The following CDC123 variants were observed in gnomAD, a reference collection of about 807,000 sequenced individuals.
CDC123 encodes the protein cell division cycle 123, also known as translation initiation factor eIF2 assembly protein.
CDC123 carries 37 observed loss-of-function variants against 54.4 expected under a neutral mutation model. The observed-to-expected ratio is 0.68, with a 90% confidence interval of 0.52 to 0.89. CDC123 has a LOEUF of 0.89. CDC123 is among the 40% of genes least tolerant of loss of function. CDC123 has a pLI of 0.00. For synonymous variants in CDC123, 144 were observed against 136.8 expected (o/e 1.05, Z -0.37); for missense variants, 361 against 412.1 (o/e 0.88, Z 1.07).
chr10:12,199,944 T>TC (rs1457577468), intron 2 of CDC123, among the ~76,000 whole-genome samples: 7 of 151,450 alleles, frequency 4.6e-5, no homozygotes, highest in African/African-American at 1.7e-4. Context: ...TGCCTCAGCC[T>TC]CCAAGTAGCT....
chr10:12,249,896 A>AT, intron 12 of CDC123, 178 bp downstream of exon 12: 1 of 779,170 alleles, frequency 1.3e-6, no homozygotes. Flanking sequence ...TGAAGGCATA[A>AT]TTTATTGATT....
chr10:12,230,349 C>G (rs1402814535), intron 6 of CDC123, among the ~76,000 whole-genome samples: 1 of 152,078 alleles, frequency 6.6e-6, no homozygotes, highest in Non-Finnish European at 1.5e-5. Flanking sequence ...TCCACCACCA[C>G]AGCCGGCTAA....
chr10:12,237,978 A>G (rs559033351), intron 9 of CDC123, among the ~76,000 whole-genome samples: 4 of 152,366 alleles, frequency 2.6e-5, no homozygotes, highest in African/African-American at 9.6e-5. Flanking sequence ...TATATCTGCT[A>G]TGATTTACAA....
intron 6 of CDC123, among the ~76,000 whole-genome samples, chr10:12,223,910 G>T (rs1458930524): frequency 1.3e-5 from 2 of 151,894 alleles, no homozygotes; most frequent in African/African-American, 4.8e-5. Context: ...GTGGTGTTTG[G>T]TTACATGGGT....
At chr10:12,222,958 C>T (rs561710652) in intron 6 of CDC123, among the ~76,000 whole-genome samples, 2 of 151,642 alleles carry the variant, frequency 1.3e-5, no homozygotes, top group African/African-American at 4.9e-5. Context: ...GTGGCGTGAT[C>T]GTGGCTCACT....
chr10:12,233,315 A>ACACT (rs778520834), intron 7 of CDC123, among the ~76,000 whole-genome samples: 3 of 125,958 alleles, frequency 2.4e-5, no homozygotes, highest in Middle Eastern at 4.2e-3. Flanking sequence ...ACACACACAC[A>ACACT]CTCTCTGTCT....
chr10:12,208,620 A>G (rs1588671252), intron 2 of CDC123, among the ~76,000 whole-genome samples: 1 of 152,160 alleles, frequency 6.6e-6, no homozygotes, highest in East Asian at 1.9e-4. Flanking sequence ...AGCGCTGATA[A>G]TGCCAAGGTT....
At chr10:12,196,712 G>T (rs1042094271) in intron 1 of CDC123, among the ~76,000 whole-genome samples, 9 of 152,198 alleles carry the variant, frequency 5.9e-5, no homozygotes, top group Admixed American at 5.2e-4. Flanking sequence ...ATTACAGTTA[G>T]ATACGAGAAC....
At chr10:12,235,888 G>A (rs1316787244) in intron 8 of CDC123, among the ~76,000 whole-genome samples, 3 of 152,176 alleles carry the variant, frequency 2.0e-5, no homozygotes, top group Non-Finnish European at 2.9e-5. Flanking sequence ...TCAGGAATAG[G>A]AAGCCCGTAT....
chr10:12,250,349 G>A lies in CDC123; in HGVS notation c.*12G>A, dbSNP rs12590. Reference sequence around the variant, plus strand: ...AGGAGGACGACTGATGAGCGTACTGGAACTGGAGAAGAGGAGGCCCCGCCC... The same window carrying A: ...AGGAGGACGACTGATGAGCGTACTGAAACTGGAGAAGAGGAGGCCCCGCCC... On this transcript the variant is annotated 3_prime_UTR_variant, in exon 13 of 13. Transcript: ENST00000281141. 2 of 1,598,216 alleles carry A rather than the reference G, an allele frequency of 1.3e-6. No homozygotes were observed. The highest frequency in any genetic ancestry group is 1.3e-5 in the African/African-American group (1 of 74,646).
At chr10:12,205,965 A>AT (rs201378994) in intron 2 of CDC123, among the ~76,000 whole-genome samples, 17,499 of 151,816 alleles carry the variant, frequency 0.12, 1,166 homozygotes, top group South Asian at 0.16. Context: ...CGCCCAGCTA[A>AT]TTTTTTTTGT....
chr10:12,201,565 T>TG (rs949048869), intron 2 of CDC123, among the ~76,000 whole-genome samples: 1 of 151,618 alleles, frequency 6.6e-6, no homozygotes, highest in Non-Finnish European at 1.5e-5. Context: ...ACAAGAAGCT[T>TG]GGGAAAGGTC....
intron 4 of CDC123, among the ~76,000 whole-genome samples, chr10:12,213,244 C>T (rs1332604066): frequency 6.6e-6 from 1 of 152,190 alleles, no homozygotes; most frequent in African/African-American, 2.4e-5. Flanking sequence ...AAAGACCTGG[C>T]AGCCAAGTGA....
At chr10:12,207,730 G>A (rs1033754337) in intron 2 of CDC123, among the ~76,000 whole-genome samples, 1 of 152,198 alleles carries the variant, frequency 6.6e-6, no homozygotes, top group Non-Finnish European at 1.5e-5. Flanking sequence ...AAGGGGACTA[G>A]GGGTCGCAGT....
chr10:12,223,027 G>T (rs975791314), intron 6 of CDC123, among the ~76,000 whole-genome samples: 9 of 152,150 alleles, frequency 5.9e-5, no homozygotes, highest in Admixed American at 5.9e-4. Flanking sequence ...GAGTAGCTGG[G>T]ACTACAGGCG....
intron 3 of CDC123, 96 bp downstream of exon 3, chr10:12,210,120 A>G (rs1835577785): frequency 1.4e-6 from 2 of 1,478,086 alleles, no homozygotes; most frequent in African/African-American, 1.4e-5. Flanking sequence ...TACATCTGAT[A>G]AAATGAGAAA....
In CDC123 at chr10:12,196,309, A is replaced by G; in HGVS notation, c.64A>G (p.Thr22Ala). ...SAWYPFFRGV[T>A]IKSVILPLPQ... ...GTGGTACCCGTTCTTCCGAGGCGTTACCATCAAGAGGTGAGATGGGAGGGG... is the reference window on the plus strand; with the variant it reads ...GTGGTACCCGTTCTTCCGAGGCGTTGCCATCAAGAGGTGAGATGGGAGGGG... The change falls in exon 1 of 13, where the codon ACC becomes GCC. Residue 22 changes from threonine to alanine, a missense_variant. Physicochemically the swap from Thr to Ala is moderately conservative, Grantham distance 58. Transcript: ENST00000281141. 6.2e-7 allele frequency: 1 copy of G among 1,612,782 alleles called. No homozygotes were observed. The highest frequency in any genetic ancestry group is 1.3e-5 in the African/African-American group (1 of 74,986).
intron 6 of CDC123, among the ~76,000 whole-genome samples, chr10:12,222,726 T>G (rs1291216102): frequency 2.6e-5 from 4 of 152,176 alleles, no homozygotes. Context: ...TGACTGCAGG[T>G]CAGGGAATTT....
intron 6 of CDC123, among the ~76,000 whole-genome samples, chr10:12,226,778 G>A (rs943226885): frequency 6.6e-6 from 1 of 151,202 alleles, no homozygotes; most frequent in Non-Finnish European, 1.5e-5. Flanking sequence ...CAGACTGGGC[G>A]GCCAGGCAGA....
Sources: gnomAD v4.1 joint callset for allele counts (sites outside exome capture counted in the v4.1 genomes callset) on GRCh38, gnomAD v4.1.1 for gene constraint, MANE v1.5 for transcripts, NCBI Gene and HGNC (gene_info 2026-07-23, HGNC 2026-07-21) for gene names.